The following CRTC3 variants were observed in gnomAD, a reference collection of about 807,000 sequenced individuals.
The protein encoded by CRTC3 is CREB regulated transcription coactivator 3.
Under a neutral mutation model 74.5 loss-of-function variants are expected in CRTC3, and 26 were observed. That is an observed-to-expected ratio of 0.35 (90% confidence interval 0.26 to 0.48). CRTC3 has a LOEUF of 0.48. Ranked by LOEUF, CRTC3 falls within the 20% of genes least tolerant of loss-of-function variation. The pLI, the probability that CRTC3 is intolerant of heterozygous loss-of-function variation, is 0.99. For synonymous variants in CRTC3, 377 were observed against 325.8 expected, an observed-to-expected ratio of 1.16 and a Z score of -1.69; for missense variants, 760 against 787.3, an observed-to-expected ratio of 0.97 and a Z score of 0.41.
At chr15:90,555,112 G>A (rs1198369742) in intron 2 of CRTC3, among the ~76,000 whole-genome samples, 1 of 152,094 alleles carries the variant, frequency 6.6e-6, no homozygotes, top group African/African-American at 2.4e-5. Context: ...AAATTTGAGA[G>A]TTGCTGGCCT....
rs563759185 is a variant in CRTC3, at chr15:90,555,314, G to A, written c.231+15177G>A. 4.6e-5 allele frequency among the ~76,000 whole-genome samples: 7 copies of A among 152,152 alleles called. No homozygotes were observed. In the South Asian group the frequency reaches 1.2e-3, roughly 27 times the overall value. Reference sequence around the variant, plus strand: ...TTAAAATCACTTTTTATTATATTAAGCAGCTACTGTAACTTGCCCTGAATT... The same window carrying A: ...TTAAAATCACTTTTTATTATATTAAACAGCTACTGTAACTTGCCCTGAATT... On this transcript the variant is annotated intron_variant, in intron 2 of 14. Transcript: ENST00000268184.
chr15:90,581,847 G>C lies in CRTC3; in HGVS notation c.232-11789G>C, dbSNP rs573983834. Among the ~76,000 whole-genome samples the C allele has an allele frequency of 2.6e-5, 4 of 152,320 alleles. No individual in the cohort carries two copies. In the South Asian group the frequency reaches 8.3e-4, roughly 32 times the overall value. On this transcript the variant is annotated intron_variant, in intron 2 of 14. Coordinates refer to ENST00000268184, the MANE Select transcript of CRTC3 (RefSeq NM_022769.5). ...TCTGGTGTGATTCAGAATGCAGTGG[G>C]GGTGAAAGGAGGGAGTCGGCAGGCT...
At chr15:90,533,448 T>A (rs965712741) in intron 1 of CRTC3, among the ~76,000 whole-genome samples, 2 of 146,920 alleles carry the variant, frequency 1.4e-5, no homozygotes, top group African/African-American at 5.0e-5. Flanking sequence ...GGGAAGAAAG[T>A]GGTTGCAGGT....
At chr15:90,641,837 A>G in intron 14 of CRTC3, 95 bp from the exon 15 acceptor site, 1 of 951,080 alleles carries the variant, frequency 1.1e-6, no homozygotes, top group Non-Finnish European at 1.7e-6. Flanking sequence ...GTGGGATAGC[A>G]GTTTAGGGGA....
intron 3 of CRTC3, chr15:90,598,805 G>A (rs1967995500): frequency 5.4e-6 from 2 of 373,572 alleles, no homozygotes; most frequent in African/African-American, 4.2e-5. Flanking sequence ...GGGTGACAGT[G>A]GGGCCGAGGG....
At chr15:90,564,135 A>G (rs890791153) in intron 2 of CRTC3, among the ~76,000 whole-genome samples, 1 of 152,192 alleles carries the variant, frequency 6.6e-6, no homozygotes, top group Non-Finnish European at 1.5e-5. Flanking sequence ...CACAGCCAAA[A>G]ATGGTAAAGC....
At chr15:90,622,522 A>G (rs1387592429) in intron 9 of CRTC3, among the ~76,000 whole-genome samples, 1 of 152,130 alleles carries the variant, frequency 6.6e-6, no homozygotes, top group African/African-American at 2.4e-5. Context: ...CTTGATCTTT[A>G]ACCCTATAAA....
chr15:90,588,523 G>GT (rs1967721957), intron 2 of CRTC3, among the ~76,000 whole-genome samples: 1 of 152,226 alleles, frequency 6.6e-6, no homozygotes, highest in Non-Finnish European at 1.5e-5. Context: ...AAGGAAAAGA[G>GT]TATGAGAGTT....
intron 11 of CRTC3, among the ~76,000 whole-genome samples, chr15:90,637,101 A>C (rs1484889428): frequency 6.6e-6 from 1 of 152,236 alleles, no homozygotes; most frequent in Admixed American, 6.5e-5. Context: ...AAACACATGC[A>C]CACATATGTT....
intron 2 of CRTC3, among the ~76,000 whole-genome samples, chr15:90,568,152 A>G (rs1967168853): frequency 6.6e-6 from 1 of 152,328 alleles, no homozygotes; most frequent in African/African-American, 2.4e-5. Flanking sequence ...TTAGAAGTGG[A>G]GCCTGAAGAT....
At chr15:90,622,192 G>A (rs376433397) in intron 9 of CRTC3, among the ~76,000 whole-genome samples, 2 of 152,174 alleles carry the variant, frequency 1.3e-5, no homozygotes, top group African/African-American at 2.4e-5. Context: ...GATGGGAGTC[G>A]TTAGAGGGTC....
intron 10 of CRTC3, among the ~76,000 whole-genome samples, chr15:90,627,569 A>G (rs183917465): frequency 7.4e-4 from 113 of 152,184 alleles, no homozygotes; most frequent in African/African-American, 2.5e-3. Flanking sequence ...CTTCTCAAAA[A>G]AGCACTATTT....
In CRTC3 at chr15:90,596,940, G is replaced by A. The variant is rs188475318; in HGVS notation, c.351+3185G>A. 1.3e-4 allele frequency among the ~76,000 whole-genome samples: 20 copies of A among 152,386 alleles called. No individual in the cohort carries two copies. The East Asian group carries it at 3.7e-3, about 28-fold the overall frequency. On this transcript the variant is annotated intron_variant, in intron 3 of 14. Transcript: ENST00000268184. The stretch of plus-strand genomic sequence containing the variant: ...AAGGGTTTTAAGGGTTCACTCCTAT[G>A]ATAGGGTGATCTCAAATAAAACGAA...
At chr15:90,616,457 G>C (rs77794860) in intron 7 of CRTC3, among the ~76,000 whole-genome samples, 1 of 152,332 alleles carries the variant, frequency 6.6e-6, no homozygotes, top group East Asian at 1.9e-4. Flanking sequence ...TACTAGGAAA[G>C]TTTGGGCCCT....
intron 2 of CRTC3, among the ~76,000 whole-genome samples, chr15:90,568,813 C>T (rs1430300045): frequency 6.6e-6 from 1 of 152,186 alleles, no homozygotes; most frequent in Admixed American, 6.5e-5. Flanking sequence ...AATCAGTGGC[C>T]TTCAACATCG....
chr15:90,598,543 G>C, intron 3 of CRTC3: 2 of 702,272 alleles, frequency 2.8e-6, no homozygotes, highest in East Asian at 2.7e-5. Context: ...CTTGGGGAGA[G>C]AGAGAACACA....
At chr15:90,536,363 C>T (rs529112324) in intron 1 of CRTC3, among the ~76,000 whole-genome samples, 37 of 151,320 alleles carry the variant, frequency 2.4e-4, no homozygotes, top group African/African-American at 8.5e-4. Context: ...TGGTGAAATC[C>T]GTCTCTAAAA....
At chr15:90,631,502 C>T (rs575443640) in intron 11 of CRTC3, among the ~76,000 whole-genome samples, 6 of 152,076 alleles carry the variant, frequency 3.9e-5, no homozygotes, top group South Asian at 2.1e-4. Context: ...CCAAGGCAGA[C>T]GGATCACTTG....
chr15:90,620,365 C>G (rs752910997), intron 9 of CRTC3, among the ~76,000 whole-genome samples: 3 of 152,104 alleles, frequency 2.0e-5, no homozygotes, highest in Non-Finnish European at 4.4e-5. Context: ...AAAAAAGTTT[C>G]TATGAAACCA....
Sources: allele counts gnomAD v4.1 joint callset (sites outside exome capture counted in the v4.1 genomes callset), GRCh38; gene constraint gnomAD v4.1.1; transcripts MANE v1.5; gene names NCBI Gene and HGNC (gene_info 2026-07-23, HGNC 2026-07-21).